The following GFM1 variants were observed in gnomAD, a reference collection of about 807,000 sequenced individuals.
GFM1 encodes the protein G elongation factor mitochondrial 1.
A neutral mutation model predicts 96.2 loss-of-function variants in GFM1; 62 were observed. That is an observed-to-expected ratio of 0.64 (90% CI 0.53 to 0.80). The LOEUF (loss-of-function observed/expected upper bound fraction) is 0.80. Among genes scored for constraint, GFM1 ranks in the 30% least tolerant of loss-of-function variants. GFM1 has a pLI of 0.00. For synonymous variants in GFM1, 282 were observed against 312.9 expected (o/e 0.90, Z 1.04); for missense variants, 852 against 916.6 (o/e 0.93, Z 0.91).
chr3:158,670,231 T>C lies in GFM1; in HGVS notation c.1601+3845T>C, dbSNP rs1431015605. Among the ~76,000 whole-genome samples the C allele has an allele frequency of 2.6e-5, 4 of 152,228 alleles. No homozygotes were observed. In the East Asian group the frequency reaches 7.7e-4, roughly 29 times the overall value. ...TCATTAATAATTTGACAGTTGTGTA[T>C]AATCTTTAAAATTTCCCTTCCCCAT... On this transcript the variant is annotated intron_variant, in intron 13 of 17. Coordinates refer to ENST00000486715, the MANE Select transcript of GFM1 (RefSeq NM_024996.7).
chr3:158,646,919 A>G lies in GFM1; in HGVS notation c.544A>G (p.Asn182Asp), dbSNP rs1721866291. ...TAACAAATTGGACCGAATGGGCTCC[A>G]ACCCAGCCAGGGCCCTGCAGCAAAT... is the stretch of plus-strand genomic sequence containing the variant. ...FINKLDRMGSNPARALQQMRS... is the reference protein window; with the variant it reads ...FINKLDRMGSDPARALQQMRS... The change falls in exon 4 of 18, where the codon AAC (asparagine) becomes GAC (aspartate). Residue 182 changes from asparagine (N) to aspartate (D), a missense_variant. By Grantham distance (23) the Asn-to-Asp change is conservative. Coordinates refer to ENST00000486715, the MANE Select transcript of GFM1 (RefSeq NM_024996.7). 6.2e-7 allele frequency: 1 copy of G among 1,614,064 alleles called. No individual in the cohort carries two copies. Among genetic ancestry groups the G allele is most frequent in the Admixed American group, 1.7e-5 (1 of 60,014 alleles).
chr3:158,653,201 C>T, intron 6 of GFM1, 109 bp from the exon 7 acceptor site: 1 of 842,462 alleles, frequency 1.2e-6, no homozygotes, highest in Non-Finnish European at 1.9e-6. Context: ...TTAGAGTCAG[C>T]ACTCCAAAGA....
chr3:158,650,012 C>G, intron 5 of GFM1: 1 of 1,535,986 alleles, frequency 6.5e-7, no homozygotes, highest in Non-Finnish European at 8.7e-7. Flanking sequence ...CAGGCACTTC[C>G]TGAGGGATTT....
rs1218412308 is a variant in GFM1, at chr3:158,653,177, G to C, written c.841-133G>C. 4 of 678,090 alleles carry C rather than the reference G, an allele frequency of 5.9e-6. No homozygotes were observed. In the Admixed American group the frequency reaches 1.2e-4, roughly 21 times the overall value. 42.0% of individuals were successfully genotyped at this position (678,090 alleles called of 1,614,324 possible). A position where few individuals can be genotyped will look rare whatever the true frequency, so the allele number is the denominator to read the frequency against. On this transcript the variant is annotated intron_variant, in intron 6 of 17. Transcript: ENST00000486715. ...TTGACCTTAAGTTCATTGGAGACCT[G>C]ATTTTAGTCTCTATTAGAGTCAGCA...
chr3:158,654,298 C>T (rs1722560592), intron 7 of GFM1, among the ~76,000 whole-genome samples: 2 of 146,252 alleles, frequency 1.4e-5, no homozygotes, highest in African/African-American at 5.1e-5. Flanking sequence ...ACCACAGCCT[C>T]GAACTCCTGA....
At chr3:158,669,718 A>G (rs961240884) in intron 13 of GFM1, 55 of 1,069,510 alleles carry the variant, frequency 5.1e-5, no homozygotes, top group Non-Finnish European at 4.1e-6. Flanking sequence ...GTTGTTTTAG[A>G]CTAGACTTCA....
Position 158,669,061 on chromosome 3 carries a change from T to G in GFM1, c.1601+2675T>G, listed in dbSNP as rs1410730823. ...GTGTCTTCAGTAGAATTTTGCCATATTATATAACCACAGGCAACCCAGGCT... is the reference window on the plus strand; with the variant it reads ...GTGTCTTCAGTAGAATTTTGCCATAGTATATAACCACAGGCAACCCAGGCT... On this transcript the variant is annotated intron_variant, in intron 13 of 17. Transcript: ENST00000486715. 14 of 1,613,588 alleles carry G rather than the reference T, an allele frequency of 8.7e-6. No homozygotes were observed. Among genetic ancestry groups the G allele is most frequent in the Non-Finnish European group, 1.1e-5 (13 of 1,179,810 alleles).
intron 6 of GFM1, 58 bp from the exon 7 acceptor site, chr3:158,653,252 C>A (rs1465204592): frequency 3.6e-6 from 5 of 1,394,590 alleles, no homozygotes; most frequent in Non-Finnish European, 5.0e-6. Flanking sequence ...TTGTAGTTGA[C>A]TTGAAGCACA....
chr3:158,652,275 TAAC>T, intron 6 of GFM1, 29 bp downstream of exon 6: 1 of 1,607,610 alleles, frequency 6.2e-7, no homozygotes. Context: ...AGTCTTATGT[TAAC>T]AACAAAAAGA....
intron 1 of GFM1, 95 bp downstream of exon 1, chr3:158,644,810 T>A: frequency 9.8e-7 from 1 of 1,020,786 alleles, no homozygotes; most frequent in South Asian, 1.4e-5. Flanking sequence ...TGGGTCCTCA[T>A]GACTGACAGC....
chr3:158,678,450 T>A (rs1038676700), intron 13 of GFM1, among the ~76,000 whole-genome samples: 4 of 151,962 alleles, frequency 2.6e-5, no homozygotes, highest in Non-Finnish European at 5.9e-5. Flanking sequence ...TTACCAGGAG[T>A]TTGGAAGAAG....
At chr3:158,661,867 C>G (rs1269700297) in intron 10 of GFM1, among the ~76,000 whole-genome samples, 4 of 152,046 alleles carry the variant, frequency 2.6e-5, no homozygotes, top group African/African-American at 9.7e-5. Context: ...GTAGTATCCT[C>G]TAATGTGTAT....
chr3:158,646,076 C>G (rs780234688), intron 2 of GFM1, 89 bp from the exon 3 acceptor site: 26 of 1,519,676 alleles, frequency 1.7e-5, no homozygotes, highest in Non-Finnish European at 2.3e-5. Flanking sequence ...AGCCACTGCA[C>G]CTGGCAACTG....
At chr3:158,667,868 T>G (rs1371042975) in intron 13 of GFM1, among the ~76,000 whole-genome samples, 1 of 152,162 alleles carries the variant, frequency 6.6e-6, no homozygotes, top group African/African-American at 2.4e-5. Context: ...ATTGTGTAAT[T>G]AAAGCTTTTT....
At chr3:158,655,627 A>G (rs558749870) in intron 8 of GFM1, among the ~76,000 whole-genome samples, 30 of 152,362 alleles carry the variant, frequency 2.0e-4, no homozygotes, top group African/African-American at 6.5e-4. Flanking sequence ...TGATTTAAAA[A>G]GAAACAAACT....
At chr3:158,687,761 G>A (rs1260468963) in intron 15 of GFM1, among the ~76,000 whole-genome samples, 5 of 152,018 alleles carry the variant, frequency 3.3e-5, no homozygotes, top group Non-Finnish European at 7.4e-5. Flanking sequence ...AGCCACCACT[G>A]CGCCTGGCCT....
At position 158,690,030 on chromosome 3, in the gene GFM1, G is replaced by C. The variant is rs1726175731; in HGVS notation, c.1910-133G>C. ...TATTACTACAGGAAAAATGAGTCTA[G>C]GTCGAATATTTTAACCTTGCCGTTT... On this transcript the variant is annotated intron_variant, in intron 15 of 17. Coordinates refer to ENST00000486715, the MANE Select transcript of GFM1 (RefSeq NM_024996.7). 4.0e-6 allele frequency: 3 copies of C among 743,368 alleles called. No homozygotes were observed. The East Asian group carries it at 7.7e-5, about 19-fold the overall frequency. The allele number at this position is 743,368 out of a possible 1,614,324, so 46.0% of individuals were successfully genotyped here. A position where few individuals can be genotyped will look rare whatever the true frequency, so the allele number is the denominator to read the frequency against.
intron 16 of GFM1, among the ~76,000 whole-genome samples, chr3:158,690,895 G>C (rs183766722): frequency 1.3e-5 from 2 of 152,202 alleles, no homozygotes; most frequent in African/African-American, 4.8e-5. Flanking sequence ...GCTGTCAATG[G>C]TGTTCACTCC....
At chr3:158,675,322 G>C (rs1216568828) in intron 13 of GFM1, among the ~76,000 whole-genome samples, 1 of 131,758 alleles carries the variant, frequency 7.6e-6, no homozygotes, top group African/African-American at 2.8e-5. Context: ...AAGTTTTCAA[G>C]ATAAAAGAGG....
Sources: gnomAD v4.1 joint callset for allele counts (sites outside exome capture counted in the v4.1 genomes callset) on GRCh38, gnomAD v4.1.1 for gene constraint, MANE v1.5 for transcripts, NCBI Gene and HGNC (gene_info 2026-07-23, HGNC 2026-07-21) for gene names.